CLASP2: variants seen among roughly 807,000 people sequenced by gnomAD.
CLASP2 encodes cytoplasmic linker associated protein 2, also known as CLIP-associating protein 2.
A neutral mutation model predicts 194.4 loss-of-function variants in CLASP2; 47 were observed. That is an observed-to-expected ratio of 0.24 (90% CI 0.19 to 0.31). CLASP2 has a LOEUF of 0.31. Ranked by LOEUF, CLASP2 falls within the 10% of genes least tolerant of loss-of-function variation. The pLI, the probability that CLASP2 is intolerant of heterozygous loss-of-function variation, is 1.00. For synonymous variants in CLASP2, 619 were observed against 633.5 expected, an observed-to-expected ratio of 0.98 and a Z score of 0.34; for missense variants, 1,445 against 1,823.6, an observed-to-expected ratio of 0.79 and a Z score of 3.78.
intron 37 of CLASP2, chr3:33,505,268 A>AC (rs11460233): frequency 0.16 from 20,675 of 125,602 alleles, 1,511 homozygotes; most frequent in Admixed American, 0.22. Flanking sequence ...AACAACAACA[A>AC]AACATAACCA....
chr3:33,573,398 T>C (rs2064164399), intron 24 of CLASP2, 44 bp from the exon 25 acceptor site: 2 of 1,591,944 alleles, frequency 1.3e-6, no homozygotes, highest in Admixed American at 1.7e-5. Flanking sequence ...CAAAAGAATA[T>C]ATTGGTATTT....
chr3:33,566,958 T>C (rs1292214459), intron 26 of CLASP2, among the ~76,000 whole-genome samples: 1 of 152,194 alleles, frequency 6.6e-6, no homozygotes. Flanking sequence ...ATTTTGTTTC[T>C]CTTGCACCTC....
chr3:33,636,610 T>C (rs2080190450), intron 8 of CLASP2, among the ~76,000 whole-genome samples: 1 of 152,144 alleles, frequency 6.6e-6, no homozygotes, highest in Non-Finnish European at 1.5e-5. Context: ...TTTTTGTTTG[T>C]TTATTTATTG....
chr3:33,580,561 T>G (rs2065834708), intron 23 of CLASP2, among the ~76,000 whole-genome samples: 1 of 151,658 alleles, frequency 6.6e-6, no homozygotes, highest in South Asian at 2.1e-4. Context: ...AGACTCCACC[T>G]CAAAACAACA....
intron 30 of CLASP2, among the ~76,000 whole-genome samples, 172 bp downstream of exon 30, chr3:33,551,080 T>G (rs12487660): frequency 0.27 from 40,383 of 152,118 alleles, 5,986 homozygotes; most frequent in Admixed American, 0.39. Flanking sequence ...TTGAAAATTA[T>G]GCTCACATTA....
At chr3:33,581,015 C>G (rs1037100224) in intron 23 of CLASP2, among the ~76,000 whole-genome samples, 1 of 57,760 alleles carries the variant, frequency 1.7e-5, no homozygotes, top group African/African-American at 6.5e-5. Flanking sequence ...GACTCCGTCT[C>G]AAAAAAAAAA....
At position 33,692,526 on chromosome 3, in the gene CLASP2, G is replaced by A. The variant is rs192030628; in HGVS notation, c.275-2594C>T. The stretch of plus-strand genomic sequence containing the variant: ...ATCGCTTTTTAACACATACTACCTT[G>A]AAGTCAAATAGAACAAGACTGTATT... On this transcript the variant is annotated intron_variant, in intron 2 of 38. Transcript: ENST00000682230. 2.1e-3 allele frequency among the ~76,000 whole-genome samples: 313 copies of A among 152,194 alleles called. 1 individual carries two copies. Among genetic ancestry groups the A allele is most frequent in the Non-Finnish European group, 3.9e-3 (264 of 68,008 alleles).
intron 23 of CLASP2, among the ~76,000 whole-genome samples, chr3:33,579,578 G>C (rs2065583742): frequency 6.6e-6 from 1 of 152,178 alleles, no homozygotes; most frequent in Non-Finnish European, 1.5e-5. Context: ...AGTTTCAGGG[G>C]GAAGAGGTAG....
chr3:33,500,876 C>A (rs968654209), intron 38 of CLASP2, among the ~76,000 whole-genome samples: 4 of 152,086 alleles, frequency 2.6e-5, no homozygotes, highest in Non-Finnish European at 1.5e-5. Context: ...TTATCTTCAC[C>A]CTTGAGAACA....
Position 33,606,667 on chromosome 3 carries a change from A to G in CLASP2, c.1618T>C (p.Tyr540His). ...GCTACACTGCCAGAACTCTTTAAGT[A>G]AGTTTGAAGACTCTTCTGATAAGAT... Reference protein sequence around the residue: ...EPSYQKSLQTYLKSSGSVASL... With the variant: ...EPSYQKSLQTHLKSSGSVASL... The change falls in exon 16 of 39, where the codon TAC becomes CAC. Residue 540 changes from tyrosine to histidine, a missense_variant. By Grantham distance (83) the Tyr-to-His change is moderately conservative. Transcript: ENST00000682230. The G allele has an allele frequency of 6.2e-7, 1 of 1,613,312 alleles. No homozygotes were observed. The highest frequency in any genetic ancestry group is 1.1e-5 in the South Asian group (1 of 91,056).
At position 33,625,337 on chromosome 3, in the gene CLASP2, AAAAC is replaced by A. The variant is rs527789088; in HGVS notation, c.1035+1647_1035+1650del. Reference sequence around the variant, plus strand: ...CATGTACCCTAGAACTTAAAGTATAAAAACAAACAAAGATCAGATTCCTATAACA... The same window carrying A: ...CATGTACCCTAGAACTTAAAGTATAAAAACAAAGATCAGATTCCTATAACA... On this transcript the variant is annotated intron_variant, in intron 10 of 38. Transcript: ENST00000682230. Among the ~76,000 whole-genome samples, 152 of 152,008 alleles carry A rather than the reference AAAAC, an allele frequency of 1.0e-3. 1 individual carries two copies. Among genetic ancestry groups the A allele is most frequent in the South Asian group, 7.3e-3 (35 of 4,822 alleles).
intron 23 of CLASP2, among the ~76,000 whole-genome samples, chr3:33,577,566 A>G (rs1337108843): frequency 6.6e-6 from 1 of 152,202 alleles, no homozygotes; most frequent in Non-Finnish European, 1.5e-5. Flanking sequence ...GTAAAAAAAA[A>G]ACCACTATGG....
chr3:33,664,054 C>T lies in CLASP2; in HGVS notation c.645-539G>A, dbSNP rs111711796. ...TCTAATTTTATATTCAGGATAATTA[C>T]ACTTTCTGCACTTCTGCTATCACTT... On this transcript the variant is annotated intron_variant, in intron 6 of 38. Transcript: ENST00000682230. Among the ~76,000 whole-genome samples the T allele has an allele frequency of 7.4e-3, 1,124 of 152,238 alleles. 13 individuals carry two copies. The highest frequency in any genetic ancestry group is 0.026 in the African/African-American group (1,063 of 41,566).
chr3:33,644,393 T>G, intron 8 of CLASP2: 1 of 274,496 alleles, frequency 3.6e-6, no homozygotes. Context: ...CATTACATAA[T>G]TCAACATTTC....
intron 31 of CLASP2, 39 bp from the exon 32 acceptor site, chr3:33,543,578 G>A: frequency 1.6e-6 from 2 of 1,286,224 alleles, no homozygotes; most frequent in Non-Finnish European, 2.3e-6. Flanking sequence ...CATATTACAG[G>A]TAAGTTCACT....
At chr3:33,688,754 A>G (rs1359317565) in intron 3 of CLASP2, among the ~76,000 whole-genome samples, 9 of 152,164 alleles carry the variant, frequency 5.9e-5, no homozygotes, top group Admixed American at 5.9e-4. Flanking sequence ...AACATTGCCT[A>G]GCAACTAATA....
chr3:33,571,476 A>G (rs1457854012), intron 25 of CLASP2, among the ~76,000 whole-genome samples: 4 of 151,802 alleles, frequency 2.6e-5, no homozygotes, highest in Admixed American at 2.0e-4. Context: ...TAAAAATACA[A>G]AAAAGTAGCT....
At chr3:33,655,072 T>A (rs1158731742) in intron 7 of CLASP2, among the ~76,000 whole-genome samples, 1 of 152,144 alleles carries the variant, frequency 6.6e-6, no homozygotes, top group Non-Finnish European at 1.5e-5. Flanking sequence ...AACTAAATAA[T>A]AAATGAGGCT....
intron 30 of CLASP2, among the ~76,000 whole-genome samples, chr3:33,546,959 A>C (rs937359781): frequency 2.2e-4 from 33 of 152,206 alleles, no homozygotes; most frequent in African/African-American, 7.5e-4. Flanking sequence ...ATCGGAGTTC[A>C]TGAAGATTTA....
Sources: gnomAD v4.1 joint callset for allele counts (sites outside exome capture counted in the v4.1 genomes callset) on GRCh38, gnomAD v4.1.1 for gene constraint, MANE v1.5 for transcripts, NCBI Gene and HGNC (gene_info 2026-07-23, HGNC 2026-07-21) for gene names.